RALYL: variants seen among roughly 807,000 people sequenced by gnomAD.
RALYL encodes the protein RALY RNA binding protein like, also known as RNA-binding Raly-like protein.
Under a neutral mutation model 35.1 loss-of-function variants are expected in RALYL, and 29 were observed. The observed-to-expected ratio is 0.83, with a 90% CI of 0.61 to 1.13. The LOEUF is 1.13. Ranked by LOEUF, RALYL falls within the 50% of genes most tolerant of loss-of-function variation. The pLI is 0.00. For synonymous variants in RALYL, 120 were observed against 127.6 expected, an observed-to-expected ratio of 0.94 and a Z score of 0.40; for missense variants, 359 against 360.4, an observed-to-expected ratio of 1.00 and a Z score of 0.03.
chr8:84,832,383 T>A (rs1396894401), intron 4 of RALYL, among the ~76,000 whole-genome samples: 3 of 152,156 alleles, frequency 2.0e-5, no homozygotes, highest in Non-Finnish European at 4.4e-5. Flanking sequence ...CTAATGAGAT[T>A]AGGTCTGAGT....
At chr8:84,428,106 T>TCACACACA (rs869249552) in intron 1 of RALYL, among the ~76,000 whole-genome samples, 217 of 127,332 alleles carry the variant, frequency 1.7e-3, no homozygotes, top group Non-Finnish European at 1.7e-3. Flanking sequence ...TCTCTCTCTC[T>TCACACACA]CACACACACA....
intron 2 of RALYL, among the ~76,000 whole-genome samples, chr8:84,759,905 C>A (rs1812288627): frequency 6.6e-6 from 1 of 152,134 alleles, no homozygotes; most frequent in South Asian, 2.1e-4. Flanking sequence ...AAAACATAGT[C>A]TAGACCTCCA....
At chr8:84,212,881 A>C (rs1819838781) in intron 1 of RALYL, among the ~76,000 whole-genome samples, 1 of 152,204 alleles carries the variant, frequency 6.6e-6, no homozygotes, top group Non-Finnish European at 1.5e-5. Flanking sequence ...GAAGATTTAG[A>C]TAAATAACAG....
chr8:84,315,473 AT>A (rs1345586641), intron 1 of RALYL, among the ~76,000 whole-genome samples: 3 of 152,170 alleles, frequency 2.0e-5, no homozygotes, highest in African/African-American at 7.2e-5. Flanking sequence ...ACTGATAACA[AT>A]TTGCAACTTT....
intron 4 of RALYL, among the ~76,000 whole-genome samples, chr8:84,806,980 C>T (rs1267301164): frequency 6.6e-6 from 1 of 152,068 alleles, no homozygotes; most frequent in East Asian, 1.9e-4. Context: ...CACTTCACCC[C>T]AGCGTAGGCA....
At chr8:84,533,504 G>C (rs971792570) in intron 2 of RALYL, among the ~76,000 whole-genome samples, 1 of 152,100 alleles carries the variant, frequency 6.6e-6, no homozygotes, top group East Asian at 1.9e-4. Context: ...TTTATATTCG[G>C]ATTATTTTAC....
Position 84,630,939 on chromosome 8 carries a change from T to C in RALYL, c.256+101362T>C, listed in dbSNP as rs1220466709. Among the ~76,000 whole-genome samples, 4 of 152,120 alleles carry C rather than the reference T, an allele frequency of 2.6e-5. No homozygotes were observed. The South Asian group carries it at 6.2e-4, about 24-fold the overall frequency. On this transcript the variant is annotated intron_variant, in intron 2 of 8. Transcript: ENST00000521268. ...AGGAGATTTGGAGAGCATCAGAAGA[T>C]TGAAACATAAACGTTTTTATTATCA...
At chr8:84,813,804 C>T (rs184235781) in intron 4 of RALYL, among the ~76,000 whole-genome samples, 30 of 152,114 alleles carry the variant, frequency 2.0e-4, no homozygotes, top group Admixed American at 1.4e-3. Flanking sequence ...ATGTGCACAA[C>T]GTGCAGGTTT....
chr8:84,502,475 AG>A (rs2056785521), intron 1 of RALYL, among the ~76,000 whole-genome samples: 1 of 152,038 alleles, frequency 6.6e-6, no homozygotes, highest in African/African-American at 2.4e-5. Context: ...TATTTGCAAC[AG>A]GAGAAAAATA....
intron 1 of RALYL, among the ~76,000 whole-genome samples, chr8:84,223,551 C>T (rs531111038): frequency 3.2e-4 from 48 of 152,234 alleles, no homozygotes; most frequent in African/African-American, 1.1e-3. Context: ...GGGTGTTGCA[C>T]CATGAACCCT....
At chr8:84,504,434 T>C (rs1210965882) in intron 1 of RALYL, among the ~76,000 whole-genome samples, 1 of 152,146 alleles carries the variant, frequency 6.6e-6, no homozygotes, top group Non-Finnish European at 1.5e-5. Context: ...TAATAACATT[T>C]TGACTGTGCA....
At chr8:84,849,708 G>A (rs1314601099) in intron 4 of RALYL, among the ~76,000 whole-genome samples, 3 of 151,834 alleles carry the variant, frequency 2.0e-5, no homozygotes, top group South Asian at 2.1e-4. Flanking sequence ...ACAGGCGCCC[G>A]AAAAGTTTTA....
At chr8:84,551,181 T>C (rs1041250710) in intron 2 of RALYL, among the ~76,000 whole-genome samples, 3 of 152,060 alleles carry the variant, frequency 2.0e-5, no homozygotes, top group African/African-American at 7.2e-5. Flanking sequence ...TTCTACTAGA[T>C]AAAGGCTAGA....
At chr8:84,572,866 C>CT (rs201190257) in intron 2 of RALYL, among the ~76,000 whole-genome samples, 21 of 151,090 alleles carry the variant, frequency 1.4e-4, no homozygotes, top group Admixed American at 7.9e-4. Flanking sequence ...GTTCTATTTC[C>CT]TTTTTTTTCC....
chr8:84,837,367 G>A (rs973346988), intron 4 of RALYL, among the ~76,000 whole-genome samples: 5 of 152,126 alleles, frequency 3.3e-5, no homozygotes, highest in Non-Finnish European at 7.4e-5. Flanking sequence ...TCTAGTAGTA[G>A]TTATTATTGG....
At chr8:84,595,671 A>G (rs1331002158) in intron 2 of RALYL, among the ~76,000 whole-genome samples, 1 of 152,086 alleles carries the variant, frequency 6.6e-6, no homozygotes, top group Non-Finnish European at 1.5e-5. Context: ...AAAATATGAA[A>G]CATAACTGAC....
chr8:84,886,189 C>A (rs1176940878), intron 7 of RALYL, among the ~76,000 whole-genome samples: 1 of 151,976 alleles, frequency 6.6e-6, no homozygotes, highest in Non-Finnish European at 1.5e-5. Context: ...AATTAAAATG[C>A]AAGAAAGTAT....
At chr8:84,566,352 ACAAT>A (rs2061782313) in intron 2 of RALYL, among the ~76,000 whole-genome samples, 6 of 151,678 alleles carry the variant, frequency 4.0e-5, no homozygotes, top group Admixed American at 4.0e-4. Context: ...TGAAAAATAA[ACAAT>A]CAAAACAGCA....
At chr8:84,856,069 A>G (rs1284321404) in intron 5 of RALYL, among the ~76,000 whole-genome samples, 1 of 152,270 alleles carries the variant, frequency 6.6e-6, no homozygotes. Flanking sequence ...ATGTTTTGTT[A>G]TGCAAATTTG....
Sources: allele counts gnomAD v4.1 joint callset (sites outside exome capture counted in the v4.1 genomes callset), GRCh38; gene constraint gnomAD v4.1.1; transcripts MANE v1.5; gene names NCBI Gene and HGNC (gene_info 2026-07-23, HGNC 2026-07-21).